RPS6KC1: variants seen among roughly 807,000 people sequenced by gnomAD.
The protein encoded by RPS6KC1 is ribosomal protein S6 kinase C1.
A neutral mutation model predicts 103.8 loss-of-function variants in RPS6KC1; 54 were observed. That is an observed-to-expected ratio of 0.52 (90% confidence interval 0.42 to 0.65). RPS6KC1 has a LOEUF of 0.65. RPS6KC1 is among the 30% of genes least tolerant of loss of function. The pLI is 0.00. For missense variants in RPS6KC1, 1,151 were observed against 1,253.8 expected (o/e 0.92, Z 1.24); for synonymous variants, 439 against 438.7 (o/e 1.00, Z -0.01).
At chr1:213,329,706 C>A in the RPS6KC1 span, among the ~76,000 whole-genome samples, 1 of 152,048 alleles carries the variant, frequency 6.6e-6, no homozygotes, top group African/African-American at 2.4e-5. Context: ...ACCTTTCTTT[C>A]CCATTTCCTT....
the RPS6KC1 span, among the ~76,000 whole-genome samples, chr1:213,791,328 A>C: frequency 6.6e-6 from 1 of 152,326 alleles, no homozygotes; most frequent in Admixed American, 6.5e-5. Context: ...TATAAAGGGA[A>C]GATCTCGAGC....
the RPS6KC1 span, among the ~76,000 whole-genome samples, chr1:213,450,683 T>C: frequency 2.0e-5 from 3 of 152,312 alleles, no homozygotes; most frequent in Middle Eastern, 3.4e-3. Flanking sequence ...GCTGAGCACA[T>C]AGCAAGTGCT....
chr1:213,343,207 C>G, the RPS6KC1 span, among the ~76,000 whole-genome samples: 1 of 150,718 alleles, frequency 6.6e-6, no homozygotes, highest in Non-Finnish European at 1.5e-5. Context: ...AAAAAACTCC[C>G]TATTTTATAG....
chr1:213,640,285 T>G, the RPS6KC1 span, among the ~76,000 whole-genome samples: 1 of 151,956 alleles, frequency 6.6e-6, no homozygotes, highest in African/African-American at 2.4e-5. Context: ...GTGTCTTCTC[T>G]CTCTCTCTCT....
At chr1:213,604,523 C>T in the RPS6KC1 span, among the ~76,000 whole-genome samples, 9 of 152,354 alleles carry the variant, frequency 5.9e-5, no homozygotes, top group East Asian at 9.6e-4. Flanking sequence ...ATTGAACCCC[C>T]GCCCTGTGCC....
chr1:213,598,701 T>C, the RPS6KC1 span, among the ~76,000 whole-genome samples: 1 of 152,092 alleles, frequency 6.6e-6, no homozygotes, highest in South Asian at 2.1e-4. Context: ...GCAGATCACT[T>C]GAGGTCAGGA....
At chr1:213,466,524 C>G in the RPS6KC1 span, among the ~76,000 whole-genome samples, 1 of 152,098 alleles carries the variant, frequency 6.6e-6, no homozygotes, top group African/African-American at 2.4e-5. Flanking sequence ...AAGCTGGCAA[C>G]AGAATGGCAA....
At chr1:213,186,286 C>A (rs1249498335) in intron 8 of RPS6KC1, among the ~76,000 whole-genome samples, 1 of 148,464 alleles carries the variant, frequency 6.7e-6, no homozygotes, top group African/African-American at 2.5e-5. Flanking sequence ...TGAATTCTTT[C>A]AGCTTTAGTT....
the RPS6KC1 span, among the ~76,000 whole-genome samples, chr1:213,524,618 C>A: frequency 1.3e-5 from 2 of 152,276 alleles, no homozygotes; most frequent in Admixed American, 6.5e-5. Context: ...AGTACAAATC[C>A]TGTCTCTGCC....
chr1:213,226,136 T>C (rs1175589566), intron 8 of RPS6KC1, among the ~76,000 whole-genome samples: 2 of 150,842 alleles, frequency 1.3e-5, no homozygotes, highest in African/African-American at 4.9e-5. Context: ...GGCAGGAGAA[T>C]GGCGTGAACC....
chr1:213,692,458 G>C, the RPS6KC1 span, among the ~76,000 whole-genome samples: 5 of 152,122 alleles, frequency 3.3e-5, no homozygotes, highest in African/African-American at 9.7e-5. Context: ...AGAGGGCCAA[G>C]TGGGCAATTT....
At chr1:213,806,460 C>T in the RPS6KC1 span, among the ~76,000 whole-genome samples, 1 of 152,140 alleles carries the variant, frequency 6.6e-6, no homozygotes, top group Non-Finnish European at 1.5e-5. Flanking sequence ...AATCTGGGTG[C>T]TCCTGTATTG....
intron 3 of RPS6KC1, among the ~76,000 whole-genome samples, chr1:213,081,893 A>G (rs913852600): frequency 6.6e-6 from 1 of 152,136 alleles, no homozygotes; most frequent in Non-Finnish European, 1.5e-5. Context: ...GTTAACAGCA[A>G]TTTCATGAGG....
At chr1:213,521,045 A>G in the RPS6KC1 span, among the ~76,000 whole-genome samples, 1 of 152,184 alleles carries the variant, frequency 6.6e-6, no homozygotes, top group Non-Finnish European at 1.5e-5. Context: ...TTTAAAAGCA[A>G]ATTATCTTCA....
the RPS6KC1 span, among the ~76,000 whole-genome samples, chr1:213,584,518 C>G: frequency 1.3e-5 from 2 of 152,206 alleles, no homozygotes; most frequent in African/African-American, 4.8e-5. Flanking sequence ...TATGGATGCT[C>G]TGGTGCAGAG....
chr1:213,824,504 T>G, the RPS6KC1 span, among the ~76,000 whole-genome samples: 1 of 152,164 alleles, frequency 6.6e-6, no homozygotes, highest in Non-Finnish European at 1.5e-5. Flanking sequence ...CAAGGAACCC[T>G]CAGGCTCATG....
the RPS6KC1 span, among the ~76,000 whole-genome samples, chr1:213,504,809 CTAA>C: frequency 1.3e-5 from 2 of 152,066 alleles, no homozygotes; most frequent in Non-Finnish European, 2.9e-5. Flanking sequence ...CTAGAATCTT[CTAA>C]TAATCTTTAG....
At chr1:213,084,142 C>G (rs1021458768) in intron 3 of RPS6KC1, among the ~76,000 whole-genome samples, 14 of 152,112 alleles carry the variant, frequency 9.2e-5, no homozygotes, top group African/African-American at 3.1e-4. Context: ...TTCCCTCTCT[C>G]CCTTTCCCTC....
chr1:213,499,761 A>C, the RPS6KC1 span, among the ~76,000 whole-genome samples: 1 of 152,130 alleles, frequency 6.6e-6, no homozygotes, highest in East Asian at 1.9e-4. Flanking sequence ...GCTATAGCCT[A>C]TTGCTCCTAG....
Sources: gnomAD v4.1 joint callset for allele counts (sites outside exome capture counted in the v4.1 genomes callset) on GRCh38, gnomAD v4.1.1 for gene constraint, MANE v1.5 for transcripts, NCBI Gene and HGNC (gene_info 2026-07-23, HGNC 2026-07-21) for gene names.